Variants in SRGAP3 observed in about 807,000 individuals in gnomAD.
The protein encoded by SRGAP3 is SLIT-ROBO Rho GTPase-activating protein 3.
In SRGAP3, 39 loss-of-function variants were observed where a neutral mutation model predicts 121.1. The observed-to-expected ratio is 0.32, with a 90% CI of 0.25 to 0.42. SRGAP3 has a LOEUF of 0.42. SRGAP3 is among the 10% of genes least tolerant of loss of function. SRGAP3 has a pLI of 1.00. For missense variants in SRGAP3, 1,213 were observed against 1,470.6 expected, an observed-to-expected ratio of 0.82 and a Z score of 2.86; for synonymous variants, 601 against 570.0, an observed-to-expected ratio of 1.05 and a Z score of -0.77.
chr3:9,082,483 G>C (rs1234502906), intron 3 of SRGAP3, among the ~76,000 whole-genome samples: 3 of 152,206 alleles, frequency 2.0e-5, no homozygotes, highest in Non-Finnish European at 4.4e-5. Context: ...CTTGCTCTTA[G>C]ACTTCCCAGC....
At chr3:9,290,414 G>A (rs1188032981) in intron 3 of SRGAP3, among the ~76,000 whole-genome samples, 1 of 152,138 alleles carries the variant, frequency 6.6e-6, no homozygotes, top group East Asian at 1.9e-4. Context: ...GTGTGTGGGG[G>A]GACAGCAAGA....
rs372441689 is a variant in SRGAP3 at position 9,064,446 on chromosome 3, G to A, written c.622C>T (p.Arg208Trp). 1.4e-5 allele frequency: 22 copies of A among 1,614,102 alleles called. No homozygotes were observed. The highest frequency in any genetic ancestry group is 1.6e-4 in the Middle Eastern group (1 of 6,084). The change falls in exon 5 of 22, where the codon CGG becomes TGG. Residue 208 changes from arginine (R) to tryptophan (W), a missense_variant. By Grantham distance (101) the Arg-to-Trp change is moderately radical. Around this residue, in one of 2 missense-constraint regions of SRGAP3, gnomAD observed 793 missense variants for 1,032.9 expected, o/e 0.77. Transcript: ENST00000383836. The part of the protein sequence containing the change: ...LSMNLLRHED[R>W]PQRRSSVKKI... ...TTCACAGAGCTGCGGCGCTGGGGCCGGTCCTCGTGCCGGAGCAGGTTCATG... is the reference window on the plus strand; with the variant it reads ...TTCACAGAGCTGCGGCGCTGGGGCCAGTCCTCGTGCCGGAGCAGGTTCATG...
In SRGAP3 at chr3:9,318,604, G is replaced by A. The variant is rs114552839; in HGVS notation, n.442+7406C>T. Reference sequence around the variant, plus strand: ...GAAAATCAAGCCAGGGCCAGGTGCCGTGGCTCATACCTGTAATCCCAGCAC... The same window carrying A: ...GAAAATCAAGCCAGGGCCAGGTGCCATGGCTCATACCTGTAATCCCAGCAC... On this transcript the variant is annotated intron_variant and non_coding_transcript_variant, in intron 3 of 3. Transcript: ENST00000490889. Among the ~76,000 whole-genome samples the A allele has an allele frequency of 7.8e-3, 1,180 of 151,560 alleles. 13 individuals are homozygous for A. Among genetic ancestry groups the A allele is most frequent in the African/African-American group, 0.025 (1,024 of 41,412 alleles).
intron 1 of SRGAP3, chr3:9,349,136 G>A: frequency 1.3e-6 from 1 of 789,060 alleles, no homozygotes; most frequent in Non-Finnish European, 2.3e-6. Context: ...GGGGGATGAA[G>A]AGACCATGCG....
At chr3:8,990,459 C>T (rs535140979) in intron 21 of SRGAP3, 53 bp downstream of exon 21, 8 of 1,547,080 alleles carry the variant, frequency 5.2e-6, no homozygotes, top group Admixed American at 3.9e-5. Flanking sequence ...GATTCCCACC[C>T]GCTGCCCTCT....
chr3:9,081,402 C>T (rs1219717318), intron 3 of SRGAP3: 3 of 392,370 alleles, frequency 7.6e-6, no homozygotes, highest in Non-Finnish European at 1.5e-5. Context: ...GGCTGTGTGG[C>T]CTTGGAGAAT....
intron 3 of SRGAP3, among the ~76,000 whole-genome samples, chr3:9,256,244 G>T (rs1954130497): frequency 6.6e-6 from 1 of 152,208 alleles, no homozygotes; most frequent in Non-Finnish European, 1.5e-5. Context: ...GTCTGCGTGT[G>T]TGTCCAAGGA....
chr3:9,086,300 C>G (rs2124822810), intron 3 of SRGAP3, among the ~76,000 whole-genome samples: 1 of 152,022 alleles, frequency 6.6e-6, no homozygotes, highest in Non-Finnish European at 1.5e-5. Flanking sequence ...CTGAGGCAGG[C>G]AGATGACCTG....
At chr3:9,259,831 C>A (rs1054143098) in intron 3 of SRGAP3, among the ~76,000 whole-genome samples, 5 of 147,102 alleles carry the variant, frequency 3.4e-5, no homozygotes, top group African/African-American at 1.3e-4. Context: ...GAGTTTAAAT[C>A]TAAATAGCTG....
rs559011284 is a variant in SRGAP3, at chr3:9,067,472, C to G, written c.487-2891G>C. Among the ~76,000 whole-genome samples, 4 of 152,046 alleles carry G rather than the reference C, an allele frequency of 2.6e-5. No individual in the cohort carries two copies. The East Asian group carries it at 7.8e-4, about 30-fold the overall frequency. On this transcript the variant is annotated intron_variant, in intron 4 of 21. Transcript: ENST00000383836. ...TTGCTGATTTCATCCTCTGTGTATG[C>G]CAGTTCCACCAAGATCACATCCAAA...
chr3:9,224,189 T>G lies in SRGAP3; in HGVS notation c.67+24696A>C, dbSNP rs118081645. On this transcript the variant is annotated intron_variant, in intron 1 of 21. Transcript: ENST00000383836. ...CCGAGTGCTACCCAAGCCAAGTTAA[T>G]AGAACAACTCATTTAGACATGAGAC... 3.0e-4 allele frequency among the ~76,000 whole-genome samples: 45 copies of G among 152,288 alleles called. 1 individual carries two copies. In the East Asian group the frequency reaches 7.5e-3, roughly 25 times the overall value.
intron 3 of SRGAP3, among the ~76,000 whole-genome samples, chr3:9,310,757 A>T (rs1955227674): frequency 6.6e-6 from 1 of 152,138 alleles, no homozygotes; most frequent in African/African-American, 2.4e-5. Context: ...GTCAACTCAA[A>T]CCTCACCTGA....
At chr3:9,124,214 G>A (rs994390657) in intron 2 of SRGAP3, among the ~76,000 whole-genome samples, 3 of 152,194 alleles carry the variant, frequency 2.0e-5, no homozygotes, top group Non-Finnish European at 4.4e-5. Context: ...ATAAGGCAGG[G>A]AAAGAGCCGG....
rs148327148 is a variant in SRGAP3, at chr3:9,135,459, T to C, written c.68-10542A>G. On this transcript the variant is annotated intron_variant, in intron 1 of 21. Transcript: ENST00000383836. Reference sequence around the variant, plus strand: ...CCCAGCCCAAAACCCAGCATCCTGGTGGGGTCCCTTGCCCTCCAACTCCAG... The same window carrying C: ...CCCAGCCCAAAACCCAGCATCCTGGCGGGGTCCCTTGCCCTCCAACTCCAG... Among the ~76,000 whole-genome samples the C allele has an allele frequency of 2.8e-3, 423 of 152,210 alleles. 5 individuals carry two copies. Among genetic ancestry groups the C allele is most frequent in the African/African-American group, 9.7e-3 (402 of 41,550 alleles).
intron 12 of SRGAP3, among the ~76,000 whole-genome samples, chr3:9,031,729 C>A (rs1186599334): frequency 6.6e-6 from 1 of 152,228 alleles, no homozygotes; most frequent in Non-Finnish European, 1.5e-5. Context: ...GCCTCCAAAA[C>A]CCCCAAATCA....
chr3:9,298,117 G>A (rs775249832), intron 3 of SRGAP3, among the ~76,000 whole-genome samples: 4 of 152,146 alleles, frequency 2.6e-5, no homozygotes, highest in Non-Finnish European at 4.4e-5. Context: ...AGTACTTACA[G>A]TTATGGCAGC....
intron 8 of SRGAP3, among the ~76,000 whole-genome samples, chr3:9,053,770 A>G (rs1260453218): frequency 2.0e-5 from 3 of 152,212 alleles, no homozygotes; most frequent in African/African-American, 7.2e-5. Flanking sequence ...TGAGGCACAC[A>G]TTGTTCAGCT....
At chr3:9,066,347 G>T (rs2125216946) in intron 4 of SRGAP3, among the ~76,000 whole-genome samples, 1 of 152,306 alleles carries the variant, frequency 6.6e-6, no homozygotes, top group South Asian at 2.1e-4. Flanking sequence ...AGCTAACAGA[G>T]CCAAGGCTTC....
intron 1 of SRGAP3, among the ~76,000 whole-genome samples, chr3:9,136,782 G>A (rs899792404): frequency 1.8e-4 from 27 of 152,348 alleles, no homozygotes; most frequent in African/African-American, 5.5e-4. Context: ...TCCGCCAGGA[G>A]CTTCCTGGGT....
Sources: gnomAD v4.1 joint callset for allele counts (sites outside exome capture counted in the v4.1 genomes callset) on GRCh38, gnomAD v4.1.1 for gene constraint, gnomAD v4.1.1 regional missense constraint, MANE v1.5 for transcripts, NCBI Gene and HGNC (gene_info 2026-07-23, HGNC 2026-07-21) for gene names.